Variants in DGKI observed in about 807,000 individuals in gnomAD.
DGKI encodes the protein DAG kinase iota.
DGKI carries 55 observed loss-of-function variants against 147.5 expected under a neutral mutation model. The observed-to-expected ratio is 0.37, with a 90% confidence interval of 0.30 to 0.47. The LOEUF (loss-of-function observed/expected upper bound fraction) is 0.47, where lower values mean the gene tolerates loss of function less well. DGKI is among the 20% of genes least tolerant of loss of function. The probability of loss-of-function intolerance (pLI) is 1.00; values close to 1 mark genes in which losing one functional copy is unlikely to be tolerated. For missense variants in DGKI, 1,007 were observed against 1,323.8 expected (o/e 0.76, Z 3.71); for synonymous variants, 469 against 477.1 (o/e 0.98, Z 0.22).
At chr7:137,612,858 G>T (rs138925239) in intron 8 of DGKI, among the ~76,000 whole-genome samples, 164 of 152,264 alleles carry the variant, frequency 1.1e-3, no homozygotes, top group African/African-American at 3.8e-3. Context: ...GTGAAATGCT[G>T]TATGTACCCT....
At chr7:137,830,344 T>A (rs1320447293) in intron 1 of DGKI, among the ~76,000 whole-genome samples, 1 of 152,172 alleles carries the variant, frequency 6.6e-6, no homozygotes, top group African/African-American at 2.4e-5. Context: ...GAGGAGCAGA[T>A]GGGGACAGAA....
chr7:137,528,779 C>A (rs1817238233), intron 20 of DGKI, among the ~76,000 whole-genome samples: 1 of 152,104 alleles, frequency 6.6e-6, no homozygotes, highest in South Asian at 2.1e-4. Flanking sequence ...TTGATCCTCA[C>A]CAAGCAGTAA....
intron 28 of DGKI, among the ~76,000 whole-genome samples, chr7:137,428,757 G>A (rs1279885492): frequency 1.3e-5 from 2 of 152,018 alleles, no homozygotes; most frequent in South Asian, 4.2e-4. Context: ...ATACACCAAT[G>A]ACAGACAAAC....
At chr7:137,639,086 T>C (rs1563126371) in intron 6 of DGKI, among the ~76,000 whole-genome samples, 1 of 152,070 alleles carries the variant, frequency 6.6e-6, no homozygotes, top group Non-Finnish European at 1.5e-5. Context: ...GCTTTTCTGA[T>C]TGTTCATCTA....
At chr7:137,619,178 A>AT (rs1362080345) in intron 8 of DGKI, among the ~76,000 whole-genome samples, 5 of 152,182 alleles carry the variant, frequency 3.3e-5, no homozygotes, top group African/African-American at 1.2e-4. Context: ...AGGCAGAAAC[A>AT]TTTTATTTCA....
chr7:137,642,418 G>A (rs955632275), intron 6 of DGKI, among the ~76,000 whole-genome samples: 2 of 152,148 alleles, frequency 1.3e-5, no homozygotes, highest in Non-Finnish European at 1.5e-5. Context: ...TCTGACATTA[G>A]TCACAGTGTT....
intron 8 of DGKI, among the ~76,000 whole-genome samples, chr7:137,617,820 C>T (rs192545245): frequency 1.2e-3 from 182 of 151,922 alleles, no homozygotes; most frequent in Non-Finnish European, 2.3e-3. Context: ...TTGCTTCTCA[C>T]AGCTGCATGT....
chr7:137,410,141 C>T (rs1298044528), intron 29 of DGKI, among the ~76,000 whole-genome samples: 1 of 152,096 alleles, frequency 6.6e-6, no homozygotes, highest in Admixed American at 6.5e-5. Context: ...TGCGGTGGCT[C>T]ACATCTGTAA....
intron 20 of DGKI, among the ~76,000 whole-genome samples, chr7:137,537,666 C>T (rs1817564599): frequency 6.6e-6 from 1 of 152,020 alleles, no homozygotes; most frequent in South Asian, 2.1e-4. Context: ...AGATTTCTGC[C>T]CCAGACATGA....
At chr7:137,552,683 T>C in intron 19 of DGKI, 115 bp from the exon 20 acceptor site, 1 of 1,072,462 alleles carries the variant, frequency 9.3e-7, no homozygotes, top group South Asian at 1.5e-5. Context: ...CCAAGGCAGG[T>C]GGATCACCGG....
chr7:137,637,991 G>C (rs1253752429), intron 6 of DGKI, among the ~76,000 whole-genome samples: 1 of 152,136 alleles, frequency 6.6e-6, no homozygotes, highest in African/African-American at 2.4e-5. Context: ...TTTGGAAAGG[G>C]AGGTCAGCGC....
chr7:137,812,664 G>A (rs1013055063), intron 1 of DGKI, among the ~76,000 whole-genome samples: 1 of 152,090 alleles, frequency 6.6e-6, no homozygotes, highest in South Asian at 2.1e-4. Flanking sequence ...ATAACCCTAT[G>A]TGACAGACTA....
At chr7:137,720,196 T>C (rs780236939) in intron 1 of DGKI, among the ~76,000 whole-genome samples, 1 of 149,724 alleles carries the variant, frequency 6.7e-6, no homozygotes, top group Non-Finnish European at 1.5e-5. Flanking sequence ...ATATTATAAC[T>C]AGAAGTGCAA....
intron 21 of DGKI, among the ~76,000 whole-genome samples, chr7:137,493,263 C>T (rs372171927): frequency 1.3e-5 from 2 of 152,298 alleles, no homozygotes; most frequent in African/African-American, 4.8e-5. Flanking sequence ...CCCACACCCG[C>T]CAGTGCCCCA....
At position 137,419,092 on chromosome 7, in the gene DGKI, C is replaced by G. The variant is rs574203076; in HGVS notation, c.2762-6885G>C. Among the ~76,000 whole-genome samples the G allele has an allele frequency of 1.2e-3, 178 of 152,178 alleles. 5 individuals carry two copies. Among genetic ancestry groups the G allele is most frequent in the Admixed American group, 0.011 (165 of 15,272 alleles). On this transcript the variant is annotated intron_variant, in intron 28 of 32. Transcript: ENST00000614521. ...TCTTGTTTCATTTACTTGCCTCCCC[C>G]CTTCCCCAGGTCTGAGTTTCTTCCA...
intron 1 of DGKI, among the ~76,000 whole-genome samples, chr7:137,696,924 GAC>G (rs1048978270): frequency 6.6e-6 from 1 of 152,104 alleles, no homozygotes; most frequent in South Asian, 2.1e-4. Context: ...TTTGGACCCA[GAC>G]ACACACATAG....
In DGKI at chr7:137,455,629, T is replaced by TAA. The variant is rs201842784; in HGVS notation, c.2735+7858_2735+7859dup. 5.4e-4 allele frequency among the ~76,000 whole-genome samples: 39 copies of TAA among 71,990 alleles called. 1 individual carries two copies. In the East Asian group the frequency reaches 8.4e-3, roughly 15 times the overall value. The allele number at this position is 71,990 out of a possible 152,430, so 47.2% of individuals were successfully genotyped here. On this transcript the variant is annotated intron_variant, in intron 27 of 32. Coordinates refer to ENST00000614521, the MANE Select transcript of DGKI (RefSeq NM_001321708.2). ...GCCTGGCACAATCATCCAGAAAAGTTAAAAAAAAAAGGGGGGGGGGCGGGG... is the reference window on the plus strand; with the variant it reads ...GCCTGGCACAATCATCCAGAAAAGTTAAAAAAAAAAAAGGGGGGGGGGCGGGG...
At chr7:137,465,628 C>G (rs1267240231) in intron 26 of DGKI, among the ~76,000 whole-genome samples, 3 of 152,180 alleles carry the variant, frequency 2.0e-5, no homozygotes, top group Non-Finnish European at 4.4e-5. Context: ...AGAGTTACTA[C>G]AAACGTACAA....
At chr7:137,435,995 G>A (rs1411753025) in intron 28 of DGKI, among the ~76,000 whole-genome samples, 2 of 152,112 alleles carry the variant, frequency 1.3e-5, no homozygotes, top group Non-Finnish European at 2.9e-5. Context: ...GGCTAGGCTG[G>A]TCTCAAACTC....
Sources: allele counts gnomAD v4.1 joint callset (sites outside exome capture counted in the v4.1 genomes callset), GRCh38; gene constraint gnomAD v4.1.1; transcripts MANE v1.5; gene names NCBI Gene and HGNC (gene_info 2026-07-23, HGNC 2026-07-21).